The following DGKH variants were observed in gnomAD, a reference collection of about 807,000 sequenced individuals.
DGKH encodes the protein diacylglycerol kinase eta, also known as DAG kinase eta.
In DGKH, 90 loss-of-function variants were observed where a neutral mutation model predicts 159.3. That is an observed-to-expected ratio of 0.57 (90% CI 0.48 to 0.67). DGKH has a LOEUF of 0.67. Among genes scored for constraint, DGKH ranks in the 30% least tolerant of loss-of-function variants. DGKH has a pLI of 0.00. For missense variants in DGKH, 1,181 were observed against 1,506.1 expected (o/e 0.78, Z 3.57); for synonymous variants, 536 against 553.8 (o/e 0.97, Z 0.45).
intron 29 of DGKH, among the ~76,000 whole-genome samples, chr13:42,221,858 T>C (rs1266001277): frequency 6.6e-6 from 1 of 152,208 alleles, no homozygotes; most frequent in Admixed American, 6.5e-5. Flanking sequence ...ACTTAGAATC[T>C]TACAATTTGT....
At chr13:42,256,071 T>C (rs1271297101) in intron 30 of DGKH, 2 of 1,291,188 alleles carry the variant, frequency 1.5e-6, no homozygotes, top group African/African-American at 1.5e-5. Context: ...GGAGAACTGA[T>C]CTTGCCTGAA....
downstream of DGKH, among the ~76,000 whole-genome samples, chr13:42,243,909 G>A (rs189230212): frequency 8.5e-5 from 13 of 152,258 alleles, no homozygotes; most frequent in Admixed American, 3.3e-4. Flanking sequence ...CAAGGAGATC[G>A]GTTAGAGGTT....
At chr13:42,209,562 C>A in intron 23 of DGKH, 97 bp downstream of exon 23, 1 of 1,296,666 alleles carries the variant, frequency 7.7e-7, no homozygotes, top group Non-Finnish European at 1.0e-6. Context: ...TAAATTGTCT[C>A]TTAAATCTGA....
intron 21 of DGKH, among the ~76,000 whole-genome samples, chr13:42,207,766 C>T (rs1180047228): frequency 1.4e-5 from 2 of 147,328 alleles, no homozygotes; most frequent in African/African-American, 2.5e-5. Context: ...GAGTCACATC[C>T]ATTGATTTGA....
intron 11 of DGKH, among the ~76,000 whole-genome samples, chr13:42,170,269 C>CGG (rs35931818): frequency 6.6e-6 from 1 of 152,120 alleles, no homozygotes; most frequent in Non-Finnish European, 1.5e-5. Context: ...ACTTCTCAGT[C>CGG]GGGGGAGGTG....
chr13:42,081,609 A>G (rs1954201866), intron 1 of DGKH, among the ~76,000 whole-genome samples: 1 of 152,228 alleles, frequency 6.6e-6, no homozygotes, highest in Non-Finnish European at 1.5e-5. Flanking sequence ...AATGTATATA[A>G]GCCATTAGAA....
At position 42,104,994 on chromosome 13, in the gene DGKH, T is replaced by TTA. The variant is rs764545570; in HGVS notation, c.193-22468_193-22467insAT. On this transcript the variant is annotated intron_variant, in intron 1 of 29. Coordinates refer to ENST00000337343, the MANE Select transcript of DGKH (RefSeq NM_178009.5). Reference sequence around the variant, plus strand: ...TGGCCTTCTAAAACAACTTGTATAGTTGTATCATGTGTTTATGTACATACA... The same window carrying TTA: ...TGGCCTTCTAAAACAACTTGTATAGTTATGTATCATGTGTTTATGTACATACA... Among the ~76,000 whole-genome samples, 116 of 147,324 alleles carry TTA rather than the reference T, an allele frequency of 7.9e-4. 1 individual carries two copies. The highest frequency in any genetic ancestry group is 1.5e-3 in the Non-Finnish European group (101 of 66,530).
At chr13:42,225,451 G>A (rs1466810537) in intron 29 of DGKH, 4 of 960,004 alleles carry the variant, frequency 4.2e-6, no homozygotes, top group South Asian at 1.8e-5. Context: ...AATTTGGACT[G>A]TTTATCCAGG....
chr13:42,112,811 T>C (rs1293855338), intron 1 of DGKH, among the ~76,000 whole-genome samples: 2 of 152,192 alleles, frequency 1.3e-5, no homozygotes, highest in Non-Finnish European at 2.9e-5. Flanking sequence ...GCATTTGCTT[T>C]CCTGGCGAGG....
intron 1 of DGKH, among the ~76,000 whole-genome samples, chr13:42,092,583 A>T (rs1409226721): frequency 6.6e-6 from 1 of 152,180 alleles, no homozygotes; most frequent in South Asian, 2.1e-4. Context: ...GGTGGTTACT[A>T]GAGGCTGGGA....
chr13:42,071,203 A>G, intron 1 of DGKH: 1 of 461,394 alleles, frequency 2.2e-6, no homozygotes, highest in Non-Finnish European at 3.9e-6. Flanking sequence ...AAGAAAAATA[A>G]TTATGCTTCC....
chr13:42,080,787 T>G (rs921882858), intron 1 of DGKH, among the ~76,000 whole-genome samples: 14 of 152,206 alleles, frequency 9.2e-5, no homozygotes, highest in Non-Finnish European at 4.4e-5. Context: ...AACTGTTATT[T>G]AAGCTTTCCT....
chr13:42,091,987 T>C (rs1216086683), intron 1 of DGKH, among the ~76,000 whole-genome samples: 1 of 152,216 alleles, frequency 6.6e-6, no homozygotes, highest in Non-Finnish European at 1.5e-5. Context: ...ACCTCCACGC[T>C]GTTTTCTGTA....
intron 1 of DGKH, among the ~76,000 whole-genome samples, chr13:42,096,313 T>C (rs1954532630): frequency 6.6e-6 from 1 of 152,058 alleles, no homozygotes; most frequent in Non-Finnish European, 1.5e-5. Flanking sequence ...AATGTTTAGC[T>C]CCCACTTATA....
intron 18 of DGKH, among the ~76,000 whole-genome samples, chr13:42,199,224 G>T (rs1957287352): frequency 6.6e-6 from 1 of 152,138 alleles, no homozygotes; most frequent in Admixed American, 6.5e-5. Context: ...GAGAGAGAGA[G>T]AATTGGCACC....
intron 1 of DGKH, among the ~76,000 whole-genome samples, chr13:42,076,251 T>C (rs1954096821): frequency 6.6e-6 from 1 of 152,220 alleles, no homozygotes; most frequent in Non-Finnish European, 1.5e-5. Flanking sequence ...AACAGACTGC[T>C]GTGTTTGTTG....
chr13:42,080,382 G>A (rs970124760), intron 1 of DGKH, among the ~76,000 whole-genome samples: 1 of 152,122 alleles, frequency 6.6e-6, no homozygotes, highest in African/African-American at 2.4e-5. Flanking sequence ...TCTGCCCCCT[G>A]GGAGAGAAGT....
chr13:42,139,188 G>T (rs553726729), intron 3 of DGKH, among the ~76,000 whole-genome samples: 21 of 152,258 alleles, frequency 1.4e-4, no homozygotes, highest in East Asian at 9.7e-4. Context: ...AAAATCTTGG[G>T]GTGAAGATAA....
At chr13:42,093,508 AAT>A (rs1954462888) in intron 1 of DGKH, among the ~76,000 whole-genome samples, 1 of 152,220 alleles carries the variant, frequency 6.6e-6, no homozygotes, top group Admixed American at 6.5e-5. Flanking sequence ...CACTTCTGGT[AAT>A]ATACTCAAAA....
Sources: allele counts gnomAD v4.1 joint callset (sites outside exome capture counted in the v4.1 genomes callset), GRCh38; gene constraint gnomAD v4.1.1; transcripts MANE v1.5; gene names NCBI Gene and HGNC (gene_info 2026-07-23, HGNC 2026-07-21).